RASGEF1A: variants seen among roughly 807,000 people sequenced by gnomAD.
RASGEF1A encodes ras-GEF domain-containing family member 1A.
Under a neutral mutation model 56.4 loss-of-function variants are expected in RASGEF1A, and 18 were observed. That is an observed-to-expected ratio of 0.32 (90% CI 0.22 to 0.47). The LOEUF (loss-of-function observed/expected upper bound fraction) is 0.47. Among genes scored for constraint, RASGEF1A ranks in the 20% least tolerant of loss-of-function variants. The pLI is 1.00. For missense variants in RASGEF1A, 422 were observed against 627.1 expected, an observed-to-expected ratio of 0.67 and a Z score of 3.49; for synonymous variants, 245 against 242.6, an observed-to-expected ratio of 1.01 and a Z score of -0.09.
chr10:43,232,624 T>C (rs1430562598), intron 1 of RASGEF1A, among the ~76,000 whole-genome samples: 2 of 151,836 alleles, frequency 1.3e-5, no homozygotes, highest in African/African-American at 4.8e-5. Context: ...GTAGCTGGGA[T>C]TACAGGTGCA....
intron 1 of RASGEF1A, among the ~76,000 whole-genome samples, chr10:43,245,578 T>A (rs1840559181): frequency 6.6e-6 from 1 of 152,204 alleles, no homozygotes; most frequent in South Asian, 2.1e-4. Flanking sequence ...TAAGTATTCA[T>A]CATGACTAAG....
chr10:43,233,425 T>TA (rs977738623), intron 1 of RASGEF1A, among the ~76,000 whole-genome samples: 1 of 151,996 alleles, frequency 6.6e-6, no homozygotes, highest in Non-Finnish European at 1.5e-5. Context: ...CTCATGTAAA[T>TA]AAAAAAGTCA....
intron 1 of RASGEF1A, among the ~76,000 whole-genome samples, chr10:43,209,440 C>T (rs1840036698): frequency 6.6e-6 from 1 of 152,184 alleles, no homozygotes; most frequent in African/African-American, 2.4e-5. Flanking sequence ...TCAAGATCCT[C>T]AAACCCTTGG....
chr10:43,238,687 G>C (rs951584134), intron 1 of RASGEF1A, among the ~76,000 whole-genome samples: 27 of 152,338 alleles, frequency 1.8e-4, no homozygotes, highest in African/African-American at 6.3e-4. Context: ...TGCCATTCGG[G>C]CAAGTGGGGA....
At chr10:43,199,043 G>C (rs377613165) in intron 8 of RASGEF1A, 31 bp from the exon 9 acceptor site, 32 of 1,575,178 alleles carry the variant, frequency 2.0e-5, no homozygotes, top group Non-Finnish European at 2.7e-5. Context: ...GGTCAGGGCC[G>C]GGGGGGTGGG....
intron 1 of RASGEF1A, among the ~76,000 whole-genome samples, chr10:43,212,659 G>T (rs372359648): frequency 6.6e-6 from 1 of 152,362 alleles, no homozygotes; most frequent in East Asian, 1.9e-4. Context: ...CACGCAGGGC[G>T]TGCTTCAGTG....
intron 1 of RASGEF1A, among the ~76,000 whole-genome samples, chr10:43,259,998 A>G (rs1836497213): frequency 6.6e-6 from 1 of 152,182 alleles, no homozygotes; most frequent in African/African-American, 2.4e-5. Flanking sequence ...TCCCTAGAGC[A>G]CGGGAGCGAC....
intron 1 of RASGEF1A, among the ~76,000 whole-genome samples, chr10:43,212,525 G>C (rs1415801100): frequency 1.3e-5 from 2 of 152,208 alleles, no homozygotes; most frequent in Non-Finnish European, 2.9e-5. Context: ...GGTCGGCCTG[G>C]GGCAGTTCCT....
chr10:43,224,780 A>G (rs771419738), intron 1 of RASGEF1A, among the ~76,000 whole-genome samples: 10 of 152,268 alleles, frequency 6.6e-5, no homozygotes, highest in Non-Finnish European at 1.2e-4. Flanking sequence ...CATTAGAAAT[A>G]AAGAAGTTGG....
chr10:43,229,240 C>T (rs1262207648), intron 1 of RASGEF1A, among the ~76,000 whole-genome samples: 1 of 152,196 alleles, frequency 6.6e-6, no homozygotes, highest in Non-Finnish European at 1.5e-5. Flanking sequence ...CCCGCGCTTC[C>T]GCAGCCCTCC....
At chr10:43,221,939 T>C (rs1840213910) in intron 1 of RASGEF1A, among the ~76,000 whole-genome samples, 1 of 152,242 alleles carries the variant, frequency 6.6e-6, no homozygotes. Flanking sequence ...CCTGTCCGTG[T>C]GGCCCGGGCA....
Position 43,196,513 on chromosome 10 carries a change from CG to C in RASGEF1A, c.1383del (p.Glu462ArgfsTer17). On this transcript the variant is annotated frameshift_variant, in exon 12 of 13. Coordinates refer to ENST00000395810, the MANE Select transcript of RASGEF1A (RefSeq NM_145313.4). LOFTEE classifies it high-confidence loss of function. The surrounding 1 kb of genome is among the most constrained non-coding windows in gnomAD (Gnocchi z 4.6). ...CAGCTGTCTTTTTCCATGTGGTTCTCGGGACCCTCACTTTCAAAGGAGGCGA... is the reference window on the plus strand; with the variant it reads ...CAGCTGTCTTTTTCCATGTGGTTCTCGGACCCTCACTTTCAAAGGAGGCGA... ...LFVASFESEG[P>X]ENHMEKDSWK... 6.2e-7 allele frequency: 1 copy of C among 1,613,950 alleles called. No individual in the cohort carries two copies. Among genetic ancestry groups the C allele is most frequent in the Non-Finnish European group, 8.5e-7 (1 of 1,180,022 alleles).
chr10:43,258,605 C>T (rs1332350928), intron 1 of RASGEF1A, among the ~76,000 whole-genome samples: 1 of 152,200 alleles, frequency 6.6e-6, no homozygotes, highest in Non-Finnish European at 1.5e-5. Context: ...CGAGGGGCAC[C>T]ACCAGCAGGG....
At position 43,195,625 on chromosome 10, in the gene RASGEF1A, T is replaced by A. The variant is rs1839785079; in HGVS notation, c.*619A>T. On this transcript the variant is annotated 3_prime_UTR_variant, in exon 13 of 13. Coordinates refer to ENST00000395810, the MANE Select transcript of RASGEF1A (RefSeq NM_145313.4). This position sits in a 1 kb window ranked among gnomAD's most constrained non-coding sequence, Gnocchi z 4.2. ...CCCTGCCCCTCCCTGACCCCACAAA[T>A]CCCTGAAAGGAAAATGAAAATGTAA... The A allele has an allele frequency of 6.6e-6, 1 of 152,318 alleles. No individual in the cohort carries two copies. The highest frequency in any genetic ancestry group is 2.4e-5 in the African/African-American group (1 of 41,302). The allele number at this position is 152,318 out of a possible 1,614,324, so 9.4% of individuals were successfully genotyped here.
At chr10:43,199,268 C>A (rs1239970151) in intron 7 of RASGEF1A, 74 bp from the exon 8 acceptor site, 12 of 1,172,196 alleles carry the variant, frequency 1.0e-5, no homozygotes, top group Non-Finnish European at 1.5e-5. Flanking sequence ...GGCAGAGGAA[C>A]AGAGGGGCAG....
intron 1 of RASGEF1A, among the ~76,000 whole-genome samples, chr10:43,216,191 G>A (rs751845361): frequency 2.6e-5 from 4 of 152,128 alleles, no homozygotes; most frequent in East Asian, 1.9e-4. Context: ...TGCCAGGAGC[G>A]GGGGCGCTGG....
At chr10:43,230,692 A>T (rs952070726) in intron 1 of RASGEF1A, among the ~76,000 whole-genome samples, 1 of 152,100 alleles carries the variant, frequency 6.6e-6, no homozygotes, top group African/African-American at 2.4e-5. Context: ...CTGATGGACA[A>T]TCGTGACCCT....
intron 1 of RASGEF1A, among the ~76,000 whole-genome samples, chr10:43,243,020 C>T (rs1840521332): frequency 1.3e-5 from 2 of 151,674 alleles, no homozygotes; most frequent in Non-Finnish European, 2.9e-5. Context: ...AGCCCCTCTG[C>T]CCGCCCGACC....
At position 43,194,547 on chromosome 10, in the gene RASGEF1A, A is replaced by G. The variant is rs753347018; in HGVS notation, c.*1697T>C. 6.6e-6 allele frequency: 1 copy of G among 152,244 alleles called. No homozygotes were observed. The highest frequency in any genetic ancestry group is 2.4e-5 in the African/African-American group (1 of 41,450). The allele number at this position is 152,244 out of a possible 1,614,324, so 9.4% of individuals were successfully genotyped here. On this transcript the variant is annotated 3_prime_UTR_variant, in exon 13 of 13. Transcript: ENST00000395810. ...AGCAGGCAAGGGAGGGGAGTGATGT[A>G]TTCTTTTATTGAAGCAAGTATGTCC...
Sources: gnomAD v4.1 joint callset for allele counts (sites outside exome capture counted in the v4.1 genomes callset) on GRCh38, gnomAD v4.1.1 for gene constraint, Gnocchi (gnomAD v3.1) non-coding constraint, MANE v1.5 for transcripts, NCBI Gene and HGNC (gene_info 2026-07-23, HGNC 2026-07-21) for gene names.